The following NOTCH1 variants were observed in gnomAD, a reference collection of about 807,000 sequenced individuals.
NOTCH1 encodes the protein neurogenic locus notch homolog protein 1.
A neutral mutation model predicts 254.8 loss-of-function variants in NOTCH1; 37 were observed. The ratio of observed to expected loss-of-function variants is 0.15; its 90% confidence interval spans 0.11 to 0.19. The LOEUF (loss-of-function observed/expected upper bound fraction) is 0.19. Among genes scored for constraint, NOTCH1 ranks in the 10% least tolerant of loss-of-function variants. The probability of loss-of-function intolerance (pLI) is 1.00; values close to 1 mark genes in which losing one functional copy is unlikely to be tolerated. For missense variants in NOTCH1, 2,972 were observed against 3,708.6 expected (o/e 0.80, Z 5.16); for synonymous variants, 1,731 against 1,618.1 (o/e 1.07, Z -1.68).
chr9:136,510,196 G>A (rs377742242), intron 17 of NOTCH1, among the ~76,000 whole-genome samples: 29 of 152,208 alleles, frequency 1.9e-4, no homozygotes, highest in African/African-American at 6.5e-4. Flanking sequence ...AAGCTCCAGG[G>A]CAGGGGGCAG....
rs2133363621 is a variant in NOTCH1, at chr9:136,515,560, C to A, written c.1826G>T (p.Ser609Ile). The A allele has an allele frequency of 6.2e-7, 1 of 1,611,112 alleles. No homozygotes were observed. Among genetic ancestry groups the A allele is most frequent in the Non-Finnish European group, 8.5e-7 (1 of 1,179,830 alleles). The stretch of plus-strand genomic sequence containing the variant: ...GGTGCCCCCGTGGCGGCAGGGCTGG[C>A]TGGAGCACTCGTTGATGTTGGTCTC... Reference protein sequence around the residue: ...HCETNINECSSQPCRHGGTCQ... With the variant: ...HCETNINECSIQPCRHGGTCQ... Residue 609 changes from serine to isoleucine, a missense_variant, in exon 11 of 34, where the codon AGC becomes ATC. By Grantham distance (142) the Ser-to-Ile change is moderately radical. Around this residue, in one of 8 missense-constraint regions of NOTCH1, gnomAD observed 128 missense variants for 193.8 expected, o/e 0.66. Transcript: ENST00000651671.
chr9:136,522,583 C>T (rs899992467), intron 4 of NOTCH1: 7 of 497,054 alleles, frequency 1.4e-5, no homozygotes, highest in South Asian at 9.9e-5. Context: ...GGAGGCAGGG[C>T]GTCCTACAGC....
At chr9:136,526,358 C>T (rs1408225778) in intron 2 of NOTCH1, among the ~76,000 whole-genome samples, 6 of 152,172 alleles carry the variant, frequency 3.9e-5, no homozygotes, top group South Asian at 2.1e-4. Context: ...CTTTCCCAGC[C>T]GCTGAAGTCG....
chr9:136,499,179 C>T lies in NOTCH1; in HGVS notation c.6015G>A (p.Leu2005=), dbSNP rs2133322854. 2.5e-6 allele frequency: 4 copies of T among 1,613,370 alleles called. No individual in the cohort carries two copies. Among genetic ancestry groups the T allele is most frequent in the African/African-American group, 2.7e-5 (2 of 75,068 alleles). Residue 2005 remains leucine, a synonymous_variant, in exon 32 of 34, where the codon CTG becomes CTA. Transcript: ENST00000651671. The part of the protein sequence containing the change: ...GTTPLILAAR[L]AVEGMLEDLI... ...GGTCCTCCAGCATGCCCTCCACGGC[C>T]AGGCGGGCAGCCAGGATCAGTGGCG...
Position 136,494,840 on chromosome 9 carries a change from G to T in NOTCH1, c.*1231C>A, listed in dbSNP as rs998925377. The T allele has an allele frequency of 1.5e-5, 6 of 398,524 alleles. No homozygotes were observed. The highest frequency in any genetic ancestry group is 1.8e-5 in the Non-Finnish European group (4 of 225,996). The allele number at this position is 398,524 out of a possible 1,614,324, so 24.7% of individuals were successfully genotyped here. The stretch of plus-strand genomic sequence containing the variant: ...TTTACAGACATTTTTTCTGCCATAG[G>T]CTATACTTGGTATTGCAAAAATCTG... On this transcript the variant is annotated 3_prime_UTR_variant, in exon 34 of 34. Coordinates refer to ENST00000651671, the MANE Select transcript of NOTCH1 (RefSeq NM_017617.5).
In NOTCH1 at chr9:136,518,171, C is replaced by T. The variant is rs367567190; in HGVS notation, c.1221G>A (p.Pro407=). 2.4e-5 allele frequency: 38 copies of T among 1,597,204 alleles called. No individual in the cohort carries two copies. Among genetic ancestry groups the T allele is most frequent in the East Asian group, 1.1e-4 (5 of 44,132 alleles). The stretch of plus-strand genomic sequence containing the variant: ...ACTCATCCACGTCCTGGCTGCAGGC[C>T]GGGCCCGTGTACCCCGAGGGGCAGG... ...ICTCPSGYTG[P]ACSQDVDECS... is the part of the protein sequence containing the mutation. Residue 407 remains proline, a synonymous_variant, in exon 7 of 34, where the codon CCG becomes CCA. Transcript: ENST00000651671.
At chr9:136,539,384 T>A (rs1474018508) in intron 2 of NOTCH1, among the ~76,000 whole-genome samples, 2 of 152,092 alleles carry the variant, frequency 1.3e-5, no homozygotes, top group African/African-American at 4.8e-5. Flanking sequence ...TGTGGGGTTT[T>A]TTTTGTTGTT....
intron 15 of NOTCH1, among the ~76,000 whole-genome samples, chr9:136,512,153 C>G (rs1376181801): frequency 1.3e-5 from 2 of 152,226 alleles, no homozygotes; most frequent in Admixed American, 1.3e-4. Flanking sequence ...CCGGCCCGAT[C>G]GACGTGTCTG....
intron 2 of NOTCH1, among the ~76,000 whole-genome samples, chr9:136,535,948 G>A (rs1158269531): frequency 8.7e-6 from 1 of 114,406 alleles, no homozygotes; most frequent in Admixed American, 1.0e-4. Flanking sequence ...GTGGAGAGGG[G>A]AGCACTCAGG....
intron 8 of NOTCH1, 89 bp downstream of exon 8, chr9:136,517,663 C>T (rs1483977717): frequency 7.2e-6 from 11 of 1,517,550 alleles, no homozygotes; most frequent in African/African-American, 2.7e-5. Flanking sequence ...CTGGGGAAAG[C>T]GGAAGCAACC....
rs111309246 is a variant in NOTCH1 at position 136,496,748 on chromosome 9, C to T, written c.6991G>A (p.Ala2331Thr). 9.5e-4 allele frequency: 1,533 copies of T among 1,612,812 alleles called. 13 individuals carry two copies. In the African/African-American group the frequency reaches 0.017, roughly 18 times the overall value. ...NQYNPLRGSV[A>T]PGPLSTQAPS... ...GCCTGTGTGCTCAGGGGGCCTGGTG[C>T]CACACTCCCCCGCAGAGGGTTGTAT... Residue 2331 changes from alanine to threonine, a missense_variant, in exon 34 of 34, where the codon GCA (alanine) becomes ACA (threonine). Transcript: ENST00000651671.
intron 6 of NOTCH1, 52 bp from the exon 7 acceptor site, chr9:136,518,344 C>CA: frequency 6.4e-7 from 1 of 1,572,128 alleles, no homozygotes. Flanking sequence ...AGGCATGGCA[C>CA]ACCACCCACG....
rs567941356 is a variant in NOTCH1, at chr9:136,540,668, C to T, written c.140+3356G>A. Among the ~76,000 whole-genome samples the T allele has an allele frequency of 1.8e-3, 278 of 152,116 alleles. 1 individual carries two copies. Among genetic ancestry groups the T allele is most frequent in the African/African-American group, 6.3e-3 (262 of 41,484 alleles). The stretch of plus-strand genomic sequence containing the variant: ...ACTGAGGCTTGCATGACCTGATGAC[C>T]CAAGGTCACAGAGCTAGTGGCCAGG... On this transcript the variant is annotated intron_variant, in intron 2 of 33. Transcript: ENST00000651671. This position sits in a 1 kb window ranked among gnomAD's most constrained non-coding sequence, Gnocchi z 4.4.
At position 136,525,422 on chromosome 9, in the gene NOTCH1, C is replaced by T. The variant is rs537728707; in HGVS notation, c.141-1443G>A. On this transcript the variant is annotated intron_variant, in intron 2 of 33. Coordinates refer to ENST00000651671, the MANE Select transcript of NOTCH1 (RefSeq NM_017617.5). ...AAAAGGTCTGGGACCCGCCGGGCGC[C>T]GCTCTTCCCAGTGGTGAAGCCTCTG... Among the ~76,000 whole-genome samples, 192 of 152,378 alleles carry T rather than the reference C, an allele frequency of 1.3e-3. 1 individual carries two copies. The highest frequency in any genetic ancestry group is 2.5e-3 in the Non-Finnish European group (168 of 68,032).
chr9:136,519,901 A>G (rs1843339519), intron 4 of NOTCH1, among the ~76,000 whole-genome samples: 1 of 152,202 alleles, frequency 6.6e-6, no homozygotes, highest in Admixed American at 6.5e-5. Flanking sequence ...CAATGTCTCC[A>G]CAGGGGGGCC....
intron 2 of NOTCH1, among the ~76,000 whole-genome samples, chr9:136,542,231 AC>A (rs376993075): frequency 6.4e-4 from 97 of 152,258 alleles, no homozygotes; most frequent in African/African-American, 2.3e-3. Context: ...AGAAGAAGCA[AC>A]AGGCCCCCAA....
At chr9:136,522,515 CA>C (rs947077985) in intron 4 of NOTCH1, 4 of 341,514 alleles carry the variant, frequency 1.2e-5, no homozygotes, top group African/African-American at 2.2e-5. Context: ...TCTCCGGCCC[CA>C]GCCCCACTGC....
intron 2 of NOTCH1, among the ~76,000 whole-genome samples, chr9:136,528,082 A>AG (rs1843497004): frequency 1.3e-5 from 2 of 151,890 alleles, no homozygotes; most frequent in South Asian, 4.2e-4. Context: ...TGCCACCCCC[A>AG]GGGGACAGAA....
chr9:136,509,191 C>G, intron 18 of NOTCH1, 120 bp from the exon 19 acceptor site: 1 of 1,047,276 alleles, frequency 9.5e-7, no homozygotes, highest in Non-Finnish European at 1.4e-6. Context: ...ATGGCCAGGA[C>G]AGGCCCAGGG....
Sources: gnomAD v4.1 joint callset for allele counts (sites outside exome capture counted in the v4.1 genomes callset) on GRCh38, gnomAD v4.1.1 for gene constraint, gnomAD v4.1.1 regional missense constraint, Gnocchi (gnomAD v3.1) non-coding constraint, MANE v1.5 for transcripts, NCBI Gene and HGNC (gene_info 2026-07-23, HGNC 2026-07-21) for gene names.